Variants in CDKAL1 observed in about 807,000 individuals in gnomAD.
The protein encoded by CDKAL1 is CDKAL1 threonylcarbamoyladenosine tRNA methylthiotransferase.
In CDKAL1, 32 loss-of-function variants were observed where a neutral mutation model predicts 68.2. The observed-to-expected ratio is 0.47, with a 90% confidence interval of 0.35 to 0.63. CDKAL1 has a LOEUF of 0.63. Ranked by LOEUF, CDKAL1 falls within the 30% of genes least tolerant of loss-of-function variation. The probability of loss-of-function intolerance (pLI) is 0.00; values close to 1 mark genes in which losing one functional copy is unlikely to be tolerated. For synonymous variants in CDKAL1, 234 were observed against 244.3 expected (o/e 0.96, Z 0.39); for missense variants, 606 against 696.7 (o/e 0.87, Z 1.47).
At chr6:20,639,282 A>C (rs1315293192) in intron 4 of CDKAL1, among the ~76,000 whole-genome samples, 1 of 152,204 alleles carries the variant, frequency 6.6e-6, no homozygotes, top group Non-Finnish European at 1.5e-5. Flanking sequence ...CTCATTATAT[A>C]AGTAATCTCC....
At chr6:20,563,273 G>A (rs1195126676) in intron 4 of CDKAL1, among the ~76,000 whole-genome samples, 1 of 152,116 alleles carries the variant, frequency 6.6e-6, no homozygotes, top group Non-Finnish European at 1.5e-5. Flanking sequence ...TGAAGGAATT[G>A]TGAGAGTGTT....
chr6:20,802,860 A>T (rs1347297745), intron 8 of CDKAL1, among the ~76,000 whole-genome samples: 2 of 152,190 alleles, frequency 1.3e-5, no homozygotes, highest in Admixed American at 6.5e-5. Flanking sequence ...GTCTGCAGAA[A>T]ACTTTTTTAA....
In CDKAL1 at chr6:20,823,227, C is replaced by T. The variant is rs565820581; in HGVS notation, c.639-22848C>T. 2.0e-5 allele frequency among the ~76,000 whole-genome samples: 3 copies of T among 152,256 alleles called. No individual in the cohort carries two copies. The South Asian group carries it at 6.2e-4, about 32-fold the overall frequency. Reference sequence around the variant, plus strand: ...TAAAATGCTGTCTCCTTTTTGAAGGCTTTTCTGGTTCCAGTTATGGTTGTT... The same window carrying T: ...TAAAATGCTGTCTCCTTTTTGAAGGTTTTTCTGGTTCCAGTTATGGTTGTT... On this transcript the variant is annotated intron_variant, in intron 8 of 15. Coordinates refer to ENST00000274695, the MANE Select transcript of CDKAL1 (RefSeq NM_017774.3).
At chr6:20,656,157 G>C (rs76935729) in intron 5 of CDKAL1, among the ~76,000 whole-genome samples, 28,135 of 152,118 alleles carry the variant, frequency 0.18, 2,817 homozygotes, top group African/African-American at 0.23. Context: ...TCTGACTAGA[G>C]TCTGTGCATT....
chr6:21,180,479 C>G (rs1264690630), intron 13 of CDKAL1, among the ~76,000 whole-genome samples: 1 of 151,848 alleles, frequency 6.6e-6, no homozygotes, highest in Admixed American at 6.6e-5. Context: ...TTTTTAGAAG[C>G]AAGCAGAAGT....
At chr6:20,931,330 A>G (rs1349223296) in intron 9 of CDKAL1, among the ~76,000 whole-genome samples, 1 of 152,178 alleles carries the variant, frequency 6.6e-6, no homozygotes, top group Non-Finnish European at 1.5e-5. Context: ...TATGTTCTCT[A>G]CTGGTAAATT....
At chr6:20,608,653 T>A (rs77316997) in intron 4 of CDKAL1, among the ~76,000 whole-genome samples, 2,338 of 152,286 alleles carry the variant, frequency 0.015, 70 homozygotes, top group African/African-American at 0.053. Flanking sequence ...ATGTCTGAAG[T>A]TGCCCGCAGT....
At chr6:20,982,732 G>T (rs1173709086) in intron 10 of CDKAL1, among the ~76,000 whole-genome samples, 1 of 151,862 alleles carries the variant, frequency 6.6e-6, no homozygotes, top group Admixed American at 6.6e-5. Flanking sequence ...GGGTAAGTTA[G>T]ATTTTTTTTT....
chr6:21,009,551 C>A (rs1767904451), intron 11 of CDKAL1, among the ~76,000 whole-genome samples: 1 of 152,140 alleles, frequency 6.6e-6, no homozygotes, highest in Admixed American at 6.5e-5. Flanking sequence ...TACCTGTTCC[C>A]CCATGTTTAT....
At chr6:20,769,880 C>T (rs1210804430) in intron 7 of CDKAL1, among the ~76,000 whole-genome samples, 3 of 152,132 alleles carry the variant, frequency 2.0e-5, no homozygotes, top group Non-Finnish European at 4.4e-5. Context: ...AAACCTAGTC[C>T]CCTTGTTCCA....
At chr6:20,882,927 A>C (rs552831903) in intron 9 of CDKAL1, among the ~76,000 whole-genome samples, 1 of 152,266 alleles carries the variant, frequency 6.6e-6, no homozygotes, top group East Asian at 1.9e-4. Flanking sequence ...AAAACTGAAA[A>C]ATTCTTTTAT....
At chr6:20,674,105 T>A (rs1433463015) in intron 5 of CDKAL1, among the ~76,000 whole-genome samples, 1 of 152,226 alleles carries the variant, frequency 6.6e-6, no homozygotes, top group Non-Finnish European at 1.5e-5. Context: ...CTTACTGAAC[T>A]TTTTTATAGT....
chr6:20,739,513 T>A lies in CDKAL1; in HGVS notation c.372-6T>A, dbSNP rs771714068. The A allele has an allele frequency of 1.3e-6, 2 of 1,597,360 alleles. No homozygotes were observed. The highest frequency in any genetic ancestry group is 2.7e-5 in the African/African-American group (2 of 74,478). Reference sequence around the variant, plus strand: ...AATTCACATTGTCTTCTCTTCAATCTTTTAGAAAAGCTCAAGAGGAGAACA... The same window carrying A: ...AATTCACATTGTCTTCTCTTCAATCATTTAGAAAAGCTCAAGAGGAGAACA... On this transcript the variant is annotated splice_polypyrimidine_tract_variant and splice_region_variant and intron_variant, in intron 5 of 15. Coordinates refer to ENST00000274695, the MANE Select transcript of CDKAL1 (RefSeq NM_017774.3).
intron 8 of CDKAL1, among the ~76,000 whole-genome samples, chr6:20,794,336 A>C (rs1776024143): frequency 6.6e-6 from 1 of 152,094 alleles, no homozygotes; most frequent in South Asian, 2.1e-4. Flanking sequence ...AAGTGTTTGG[A>C]TAGATAGTAG....
intron 11 of CDKAL1, among the ~76,000 whole-genome samples, chr6:21,027,146 A>T (rs1446025054): frequency 6.6e-6 from 1 of 152,114 alleles, no homozygotes; most frequent in South Asian, 2.1e-4. Flanking sequence ...ATTGCTAAAA[A>T]TCCTGGCTGA....
At chr6:21,142,314 GAAA>G (rs71540615) in intron 13 of CDKAL1, among the ~76,000 whole-genome samples, 1 of 136,492 alleles carries the variant, frequency 7.3e-6, no homozygotes, top group African/African-American at 2.7e-5. Context: ...GCTGCCATAT[GAAA>G]AAAAAAAAAA....
At chr6:20,576,650 T>TA (rs1264660917) in intron 4 of CDKAL1, among the ~76,000 whole-genome samples, 3 of 152,200 alleles carry the variant, frequency 2.0e-5, no homozygotes, top group Non-Finnish European at 4.4e-5. Context: ...TTGCAATGCT[T>TA]AGCGCCTTCT....
At chr6:20,594,907 T>G (rs1344228733) in intron 4 of CDKAL1, among the ~76,000 whole-genome samples, 1 of 152,306 alleles carries the variant, frequency 6.6e-6, no homozygotes, top group Non-Finnish European at 1.5e-5. Context: ...TTGTAAAGGA[T>G]TTTATTTCTC....
chr6:20,538,005 A>C (rs1763243736), intron 2 of CDKAL1, among the ~76,000 whole-genome samples: 2 of 152,330 alleles, frequency 1.3e-5, no homozygotes, highest in South Asian at 4.1e-4. Flanking sequence ...GCTGATATGC[A>C]GCGTTATATT....
Sources: gnomAD v4.1 joint callset for allele counts (sites outside exome capture counted in the v4.1 genomes callset) on GRCh38, gnomAD v4.1.1 for gene constraint, MANE v1.5 for transcripts, NCBI Gene and HGNC (gene_info 2026-07-23, HGNC 2026-07-21) for gene names.